DYNC2H1: variants seen among roughly 807,000 people sequenced by gnomAD.
The protein encoded by DYNC2H1 is cytoplasmic dynein 2 heavy chain 1.
DYNC2H1 carries 410 observed loss-of-function variants against 570.0 expected under a neutral mutation model. The ratio of observed to expected loss-of-function variants is 0.72; its 90% CI spans 0.66 to 0.78. The LOEUF (loss-of-function observed/expected upper bound fraction) is 0.78. DYNC2H1 is among the 30% of genes least tolerant of loss of function. DYNC2H1 has a pLI of 0.00. For missense variants in DYNC2H1, 4,865 were observed against 5,046.4 expected (o/e 0.96, Z 1.09); for synonymous variants, 1,688 against 1,677.6 (o/e 1.01, Z -0.15).
intron 84 of DYNC2H1, among the ~76,000 whole-genome samples, chr11:103,422,511 C>A (rs1443724259): frequency 6.6e-6 from 1 of 152,012 alleles, no homozygotes; most frequent in East Asian, 1.9e-4. Context: ...TGGCTTCATC[C>A]CTGGGATGCA....
intron 86 of DYNC2H1, 77 bp downstream of exon 86, chr11:103,455,372 C>T (rs1003200124): frequency 2.8e-6 from 3 of 1,065,440 alleles, no homozygotes; most frequent in African/African-American, 3.1e-5. Flanking sequence ...TATTACACTG[C>T]CCTTGATTGT....
chr11:103,143,529 T>G, intron 18 of DYNC2H1, 134 bp downstream of exon 18: 1 of 885,600 alleles, frequency 1.1e-6, no homozygotes, highest in Non-Finnish European at 1.6e-6. Flanking sequence ...GACACTTGAG[T>G]ATCATCTAGG....
At position 103,191,571 on chromosome 11, in the gene DYNC2H1, A is replaced by G. The variant is rs200034783; in HGVS notation, c.7492A>G (p.Ile2498Val). 96 of 1,610,498 alleles carry G rather than the reference A, an allele frequency of 6.0e-5. 1 individual carries two copies. Among genetic ancestry groups the G allele is most frequent in the Middle Eastern group, 3.3e-4 (2 of 6,076 alleles). ...DYSHYFFTPCILTQWVLGLFR... is the reference protein window; with the variant it reads ...DYSHYFFTPCVLTQWVLGLFR... ...TAGTCACTATTTCTTTACTCCTTGCATTCTTACCCAATGGGTTCTTGGCTT... is the reference window on the plus strand; with the variant it reads ...TAGTCACTATTTCTTTACTCCTTGCGTTCTTACCCAATGGGTTCTTGGCTT... Residue 2498 changes from isoleucine (I) to valine (V), a missense_variant, in exon 46 of 89, where the codon ATT (isoleucine) becomes GTT (valine). Coordinates refer to ENST00000375735, the MANE Select transcript of DYNC2H1 (RefSeq NM_001377.3).
intron 79 of DYNC2H1, among the ~76,000 whole-genome samples, chr11:103,312,439 G>A (rs1591561044): frequency 6.8e-6 from 1 of 147,222 alleles, no homozygotes; most frequent in East Asian, 2.0e-4. Flanking sequence ...CTACTTGGGA[G>A]GCTGAGGTAG....
chr11:103,369,529 A>G lies in DYNC2H1; in HGVS notation c.12156+11170A>G, dbSNP rs1941057899. Among the ~76,000 whole-genome samples the G allele has an allele frequency of 6.6e-6, 1 of 152,170 alleles. No homozygotes were observed. The highest frequency in any genetic ancestry group is 6.5e-5 in the Admixed American group (1 of 15,278). On this transcript the variant is annotated intron_variant, in intron 83 of 88. Transcript: ENST00000375735. This position sits in a 1 kb window ranked among gnomAD's most constrained non-coding sequence, Gnocchi z 4.0. ...CACCCCTCTCCTAACCTCAGGATAC[A>G]CAGCTCACATCTCCAAAACAGACTC... is the stretch of plus-strand genomic sequence containing the variant.
intron 17 of DYNC2H1, among the ~76,000 whole-genome samples, chr11:103,137,228 G>T (rs1310526213): frequency 1.3e-4 from 19 of 147,918 alleles, no homozygotes; most frequent in African/African-American, 3.0e-4. Flanking sequence ...CTCTTTAGTT[G>T]AATTAGATCC....
chr11:103,265,083 C>G (rs1237332025), intron 70 of DYNC2H1, among the ~76,000 whole-genome samples: 1 of 152,080 alleles, frequency 6.6e-6, no homozygotes, highest in African/African-American at 2.4e-5. Context: ...AAGCTGGAAA[C>G]CATCATTCTC....
At chr11:103,405,263 G>C (rs78014030) in intron 84 of DYNC2H1, 3 of 151,154 alleles carry the variant, frequency 2.0e-5, no homozygotes, top group Non-Finnish European at 4.4e-5. Flanking sequence ...GGAGAGAAAG[G>C]AGGAGAAGGA....
rs539424228 is a variant in DYNC2H1, at chr11:103,136,044, G to A, written c.2574+96G>A. On this transcript the variant is annotated intron_variant, in intron 17 of 88. Transcript: ENST00000375735. ...TATACATTAATAGTTTACCTTGTGT[G>A]GCATAACATTAAAATATGGCAAAGC... is the stretch of plus-strand genomic sequence containing the variant. 143 of 1,030,160 alleles carry A rather than the reference G, an allele frequency of 1.4e-4. 1 individual carries two copies. In the African/African-American group the frequency reaches 1.9e-3, roughly 13 times the overall value. 63.8% of individuals were successfully genotyped at this position (1,030,160 alleles called of 1,614,324 possible). A position where few individuals can be genotyped will look rare whatever the true frequency, so the allele number is the denominator to read the frequency against.
chr11:103,237,211 A>G (rs1441104226), intron 63 of DYNC2H1, among the ~76,000 whole-genome samples: 3 of 151,988 alleles, frequency 2.0e-5, no homozygotes, highest in Non-Finnish European at 2.9e-5. Flanking sequence ...TTCTGTCAAT[A>G]GTTTATATTT....
At chr11:103,340,748 G>A (rs1007034956) in intron 82 of DYNC2H1, among the ~76,000 whole-genome samples, 6 of 151,998 alleles carry the variant, frequency 3.9e-5, no homozygotes, top group East Asian at 3.9e-4. Flanking sequence ...TACACCTTTC[G>A]TAACTATTGT....
In DYNC2H1 at chr11:103,253,450, T is replaced by TATAC; in HGVS notation, c.10206+6_10206+9dup. The TATAC allele has an allele frequency of 4.4e-6, 7 of 1,597,772 alleles. No individual in the cohort carries two copies. Among genetic ancestry groups the TATAC allele is most frequent in the Non-Finnish European group, 6.0e-6 (7 of 1,170,622 alleles). On this transcript the variant is annotated splice_region_variant and intron_variant, in intron 66 of 88. Coordinates refer to ENST00000375735, the MANE Select transcript of DYNC2H1 (RefSeq NM_001377.3). ...ACAAGAAGTGGATTACGAGGGCAGG[T>TATAC]ATACATAGATAATAATAATTTACCT... is the stretch of plus-strand genomic sequence containing the variant.
chr11:103,132,199 G>C (rs112716694), intron 13 of DYNC2H1, among the ~76,000 whole-genome samples: 6 of 151,532 alleles, frequency 4.0e-5, no homozygotes, highest in African/African-American at 1.5e-4. Flanking sequence ...TCTCTTTGTT[G>C]TTCAAATTAC....
rs1864991142 is a variant in DYNC2H1 at position 103,254,965 on chromosome 11, G to A, written c.10207-450G>A. Among the ~76,000 whole-genome samples the A allele has an allele frequency of 6.6e-6, 1 of 151,858 alleles. No individual in the cohort carries two copies. Among genetic ancestry groups the A allele is most frequent in the South Asian group, 2.1e-4 (1 of 4,810 alleles). On this transcript the variant is annotated intron_variant, in intron 66 of 88. Coordinates refer to ENST00000375735, the MANE Select transcript of DYNC2H1 (RefSeq NM_001377.3). This position sits in a 1 kb window ranked among gnomAD's most constrained non-coding sequence, Gnocchi z 4.9. Reference sequence around the variant, plus strand: ...TTTTTGTATTTTTAGTAGAGATGGAGTTTCACTATGTTAGCCAGGCTGGTC... The same window carrying A: ...TTTTTGTATTTTTAGTAGAGATGGAATTTCACTATGTTAGCCAGGCTGGTC...
intron 11 of DYNC2H1, among the ~76,000 whole-genome samples, chr11:103,124,572 C>T (rs1858890766): frequency 6.6e-6 from 1 of 151,794 alleles, no homozygotes; most frequent in Admixed American, 6.6e-5. Flanking sequence ...TTTGAGTTCC[C>T]CAAAGTAATA....
In DYNC2H1 at chr11:103,256,117, A is replaced by T. The variant is rs775065722; in HGVS notation, c.10338A>T (p.Thr3446=). 2.4e-5 allele frequency: 39 copies of T among 1,603,278 alleles called. No homozygotes were observed. Among genetic ancestry groups the T allele is most frequent in the South Asian group, 5.6e-5 (5 of 89,544 alleles). Residue 3446 remains threonine, a synonymous_variant, in exon 68 of 89, where the codon ACA becomes ACT. Transcript: ENST00000375735. This position sits in a 1 kb window ranked among gnomAD's most constrained non-coding sequence, Gnocchi z 4.0. ...LEESLLETLA[T]SQGNILENKD... is the part of the protein sequence containing the mutation. ...AACTTTCCCTACAGACACTTGCCAC[A>T]TCTCAAGGCAATATTTTGGAAAATA...
At chr11:103,306,616 T>C (rs1428812074) in intron 77 of DYNC2H1, among the ~76,000 whole-genome samples, 1 of 152,178 alleles carries the variant, frequency 6.6e-6, no homozygotes, top group Non-Finnish European at 1.5e-5. Context: ...TTTTATCCTT[T>C]ATAATTTTAA....
intron 47 of DYNC2H1, among the ~76,000 whole-genome samples, chr11:103,194,104 A>T (rs1251137617): frequency 6.6e-6 from 1 of 152,192 alleles, no homozygotes; most frequent in East Asian, 1.9e-4. Context: ...AGGATCTATA[A>T]TGTTACCCTT....
intron 80 of DYNC2H1, among the ~76,000 whole-genome samples, chr11:103,316,979 T>A (rs1035701720): frequency 2.0e-5 from 3 of 152,090 alleles, no homozygotes; most frequent in African/African-American, 7.2e-5. Context: ...CATAATTGAA[T>A]TACTAAGTAG....
Sources: gnomAD v4.1 joint callset for allele counts (sites outside exome capture counted in the v4.1 genomes callset) on GRCh38, gnomAD v4.1.1 for gene constraint, Gnocchi (gnomAD v3.1) non-coding constraint, MANE v1.5 for transcripts, NCBI Gene and HGNC (gene_info 2026-07-23, HGNC 2026-07-21) for gene names.